PRKG1: variants seen among roughly 807,000 people sequenced by gnomAD.
The protein encoded by PRKG1 is protein kinase cGMP-dependent 1.
In PRKG1, 35 loss-of-function variants were observed where a neutral mutation model predicts 88.1. The ratio of observed to expected loss-of-function variants is 0.40; its 90% CI spans 0.30 to 0.53. The LOEUF (loss-of-function observed/expected upper bound fraction) is 0.53. Ranked by LOEUF, PRKG1 falls within the 20% of genes least tolerant of loss-of-function variation. PRKG1 has a pLI of 0.59. For missense variants in PRKG1, 540 were observed against 839.8 expected (o/e 0.64, Z 4.41); for synonymous variants, 303 against 292.5 (o/e 1.04, Z -0.37).
chr10:51,977,500 G>A (rs1458333508), intron 5 of PRKG1, among the ~76,000 whole-genome samples: 1 of 152,028 alleles, frequency 6.6e-6, no homozygotes, highest in African/African-American at 2.4e-5. Flanking sequence ...TGGGATTGCT[G>A]GGTCAAATGG....
intron 3 of PRKG1, among the ~76,000 whole-genome samples, chr10:51,477,309 G>T (rs1039588542): frequency 6.7e-6 from 1 of 150,014 alleles, no homozygotes; most frequent in Non-Finnish European, 1.5e-5. Flanking sequence ...AGATTACAAG[G>T]AATTCTTGGC....
intron 2 of PRKG1, among the ~76,000 whole-genome samples, chr10:51,417,495 A>C (rs2132700094): frequency 6.6e-6 from 1 of 152,318 alleles, no homozygotes; most frequent in South Asian, 2.1e-4. Context: ...TACAAGAGAA[A>C]ATTAGTTAAC....
At chr10:51,393,152 G>T (rs1445617165) in intron 2 of PRKG1, among the ~76,000 whole-genome samples, 5 of 150,010 alleles carry the variant, frequency 3.3e-5, no homozygotes, top group Admixed American at 6.6e-5. Context: ...CGGGGCGGCC[G>T]GGCAGAGACG....
At chr10:51,618,474 CATT>C (rs1441325472) in intron 3 of PRKG1, among the ~76,000 whole-genome samples, 6 of 152,184 alleles carry the variant, frequency 3.9e-5, no homozygotes, top group Non-Finnish European at 7.4e-5. Context: ...TCATCATCAT[CATT>C]GTCATCATTG....
chr10:51,522,899 CT>C lies in PRKG1; in HGVS notation c.592+55064del, dbSNP rs375467546. On this transcript the variant is annotated intron_variant, in intron 3 of 17. Transcript: ENST00000373980. ...AGGTGTGAAGGCTTTTAGATTATTA[CT>C]GTATTTATTAAAAACCAAGGGAGAC... is the stretch of plus-strand genomic sequence containing the variant. 1.9e-3 allele frequency among the ~76,000 whole-genome samples: 294 copies of C among 152,230 alleles called. 17 individuals are homozygous for C. The South Asian group carries it at 0.059, about 31-fold the overall frequency.
rs967664389 is a variant in PRKG1 at position 51,405,750 on chromosome 10, G to A, written c.479-61973G>A. Among the ~76,000 whole-genome samples, 5 of 152,118 alleles carry A rather than the reference G, an allele frequency of 3.3e-5. No homozygotes were observed. The East Asian group carries it at 7.7e-4, about 23-fold the overall frequency. On this transcript the variant is annotated intron_variant, in intron 2 of 17. Transcript: ENST00000373980. ...AACCTTGCTCCCATAAAAGGTATCC[G>A]AAATATGTGGAGACTTCCCTGTTCC... is the stretch of plus-strand genomic sequence containing the variant.
chr10:51,687,781 C>G (rs1257763327), intron 3 of PRKG1, among the ~76,000 whole-genome samples: 1 of 152,122 alleles, frequency 6.6e-6, no homozygotes, highest in Non-Finnish European at 1.5e-5. Context: ...TCTACCAATT[C>G]AATACAACTT....
At chr10:52,210,017 C>T (rs1461243115) in intron 9 of PRKG1, among the ~76,000 whole-genome samples, 1 of 152,146 alleles carries the variant, frequency 6.6e-6, no homozygotes, top group Admixed American at 6.6e-5. Flanking sequence ...ATTCCATTTC[C>T]TCTTCTGTAA....
intron 12 of PRKG1, among the ~76,000 whole-genome samples, chr10:52,280,353 C>T (rs760168352): frequency 6.6e-6 from 1 of 152,106 alleles, no homozygotes. Flanking sequence ...GATTAAAAAA[C>T]AAGCCCTCTA....
intron 1 of PRKG1, among the ~76,000 whole-genome samples, chr10:51,025,086 C>A (rs572539771): frequency 3.7e-4 from 56 of 152,302 alleles, no homozygotes; most frequent in Non-Finnish European, 7.4e-4. Flanking sequence ...ACTAACCACT[C>A]CCTTCTAAAC....
chr10:51,624,930 T>G (rs1047679594), intron 3 of PRKG1, among the ~76,000 whole-genome samples: 1 of 152,164 alleles, frequency 6.6e-6, no homozygotes, highest in African/African-American at 2.4e-5. Context: ...CAGGGAAGAT[T>G]GGTTAATGCA....
intron 2 of PRKG1, among the ~76,000 whole-genome samples, chr10:51,341,474 T>C (rs999953721): frequency 1.3e-5 from 2 of 152,208 alleles, no homozygotes; most frequent in African/African-American, 4.8e-5. Flanking sequence ...CTGCTTACGT[T>C]TGATACTTTA....
At chr10:52,179,219 A>AT (rs1838946819) in intron 9 of PRKG1, among the ~76,000 whole-genome samples, 2 of 150,966 alleles carry the variant, frequency 1.3e-5, no homozygotes, top group Non-Finnish European at 3.0e-5. Context: ...GATTCTAATT[A>AT]TTTTTTCATT....
At chr10:51,180,463 C>G (rs1336623056) in intron 2 of PRKG1, among the ~76,000 whole-genome samples, 1 of 152,168 alleles carries the variant, frequency 6.6e-6, no homozygotes, top group Admixed American at 6.5e-5. Context: ...GAAGTAAAGA[C>G]AGCTGGTGTA....
intron 2 of PRKG1, among the ~76,000 whole-genome samples, chr10:51,403,272 C>T (rs753033759): frequency 1.4e-4 from 21 of 152,190 alleles, no homozygotes; most frequent in African/African-American, 4.1e-4. Context: ...ATATAGCATT[C>T]GAGCTACATA....
intron 3 of PRKG1, among the ~76,000 whole-genome samples, chr10:51,653,270 T>A (rs531499463): frequency 6.6e-6 from 1 of 152,180 alleles, no homozygotes; most frequent in African/African-American, 2.4e-5. Flanking sequence ...TTTTTAATTT[T>A]TTTTAGCAAT....
chr10:51,866,283 A>G (rs1251227986), intron 4 of PRKG1, among the ~76,000 whole-genome samples: 1 of 152,062 alleles, frequency 6.6e-6, no homozygotes, highest in African/African-American at 2.4e-5. Context: ...ATTCTCATTT[A>G]AATAATCAAA....
At chr10:51,112,210 C>A (rs1276254841) in intron 1 of PRKG1, among the ~76,000 whole-genome samples, 2 of 152,078 alleles carry the variant, frequency 1.3e-5, no homozygotes, top group African/African-American at 4.8e-5. Context: ...CACTAGCTAG[C>A]TTACATTTAA....
intron 3 of PRKG1, among the ~76,000 whole-genome samples, chr10:51,730,559 A>C (rs967835349): frequency 2.0e-5 from 3 of 152,108 alleles, no homozygotes; most frequent in African/African-American, 7.2e-5. Context: ...GAAACTGTGT[A>C]TGTATTGCAA....
Sources: gnomAD v4.1 joint callset for allele counts (sites outside exome capture counted in the v4.1 genomes callset) on GRCh38, gnomAD v4.1.1 for gene constraint, MANE v1.5 for transcripts, NCBI Gene and HGNC (gene_info 2026-07-23, HGNC 2026-07-21) for gene names.